Variants in MAGI2 observed in about 807,000 individuals in gnomAD.
The protein encoded by MAGI2 is membrane associated guanylate kinase, WW and PDZ domain containing 2, also known as membrane-associated guanylate kinase, WW and PDZ domain-containing protein 2.
Under a neutral mutation model 133.3 loss-of-function variants are expected in MAGI2, and 35 were observed. That is an observed-to-expected ratio of 0.26 (90% CI 0.20 to 0.35). The LOEUF is 0.35. Ranked by LOEUF, MAGI2 falls within the 10% of genes least tolerant of loss-of-function variation. MAGI2 has a pLI of 1.00. For synonymous variants in MAGI2, 729 were observed against 710.6 expected (o/e 1.03, Z -0.41); for missense variants, 1,636 against 1,863.4 (o/e 0.88, Z 2.25).
intron 3 of MAGI2, among the ~76,000 whole-genome samples, chr7:78,591,797 C>A (rs997006690): frequency 2.0e-5 from 3 of 152,240 alleles, no homozygotes; most frequent in Non-Finnish European, 4.4e-5. Context: ...AAGGAATAAA[C>A]CTTCTTTTCA....
At chr7:79,035,571 A>G (rs549469475) in intron 1 of MAGI2, among the ~76,000 whole-genome samples, 1 of 152,302 alleles carries the variant, frequency 6.6e-6, no homozygotes, top group African/African-American at 2.4e-5. Flanking sequence ...AAATTCTAAA[A>G]GAGAATTGTT....
intron 3 of MAGI2, chr7:78,614,421 T>G (rs556118630): frequency 6.6e-6 from 1 of 152,120 alleles, no homozygotes; most frequent in Non-Finnish European, 1.5e-5. Context: ...AATGCACCAA[T>G]AGTTTTACAC....
chr7:78,821,392 G>A (rs1356116400), intron 2 of MAGI2, among the ~76,000 whole-genome samples: 1 of 151,962 alleles, frequency 6.6e-6, no homozygotes, highest in Non-Finnish European at 1.5e-5. Context: ...GAACATGTAA[G>A]TCAATAACAG....
At chr7:78,948,736 CT>C (rs1474339029) in intron 2 of MAGI2, among the ~76,000 whole-genome samples, 1 of 152,048 alleles carries the variant, frequency 6.6e-6, no homozygotes, top group African/African-American at 2.4e-5. Context: ...ATTTTCCTTA[CT>C]TTCCTAAATA....
intron 2 of MAGI2, among the ~76,000 whole-genome samples, chr7:78,957,472 G>T (rs1802485457): frequency 1.3e-5 from 2 of 151,784 alleles, no homozygotes; most frequent in Admixed American, 1.3e-4. Flanking sequence ...AATTCAGACT[G>T]ATAAATTTAC....
At chr7:79,437,940 A>G (rs936399731) in intron 1 of MAGI2, among the ~76,000 whole-genome samples, 1 of 152,154 alleles carries the variant, frequency 6.6e-6, no homozygotes, top group African/African-American at 2.4e-5. Flanking sequence ...GTATATTATT[A>G]TAGATGTATG....
chr7:78,811,046 T>C lies in MAGI2; in HGVS notation c.419-183807A>G, dbSNP rs940642486. Among the ~76,000 whole-genome samples, 8 of 152,168 alleles carry C rather than the reference T, an allele frequency of 5.3e-5. No individual in the cohort carries two copies. In the East Asian group the frequency reaches 1.5e-3, roughly 29 times the overall value. ...TTTGTTTTATAGGATTTATCCTTGCTATCAATTAATGAGCTGAAAATCCAT... is the reference window on the plus strand; with the variant it reads ...TTTGTTTTATAGGATTTATCCTTGCCATCAATTAATGAGCTGAAAATCCAT... On this transcript the variant is annotated intron_variant, in intron 2 of 21. Coordinates refer to ENST00000354212, the MANE Select transcript of MAGI2 (RefSeq NM_012301.4).
Position 79,066,421 on chromosome 7 carries a change from T to A in MAGI2, c.302-59215A>T, listed in dbSNP as rs537634471. Among the ~76,000 whole-genome samples, 3 of 152,254 alleles carry A rather than the reference T, an allele frequency of 2.0e-5. No individual in the cohort carries two copies. In the East Asian group the frequency reaches 5.8e-4, roughly 29 times the overall value. ...CCCACTTTTTGATGGGGTTATTTTT[T>A]TTTCTTGTAAATTTGTTTAAGTTCT... On this transcript the variant is annotated intron_variant, in intron 1 of 21. Coordinates refer to ENST00000354212, the MANE Select transcript of MAGI2 (RefSeq NM_012301.4).
At chr7:78,948,430 T>C (rs1258117992) in intron 2 of MAGI2, among the ~76,000 whole-genome samples, 1 of 152,088 alleles carries the variant, frequency 6.6e-6, no homozygotes, top group African/African-American at 2.4e-5. Context: ...TGAATTTTTA[T>C]ACTCTGATAT....
intron 6 of MAGI2, among the ~76,000 whole-genome samples, chr7:78,378,105 T>A (rs1288049341): frequency 6.6e-6 from 1 of 151,622 alleles, no homozygotes; most frequent in African/African-American, 2.4e-5. Context: ...AAATAAAATT[T>A]AAAAAAATCT....
intron 2 of MAGI2, among the ~76,000 whole-genome samples, chr7:78,726,660 T>G (rs189928033): frequency 6.6e-6 from 1 of 152,278 alleles, no homozygotes; most frequent in East Asian, 1.9e-4. Context: ...TAACAGAGAA[T>G]ACTTCTCCCA....
intron 21 of MAGI2, among the ~76,000 whole-genome samples, chr7:78,065,870 A>T (rs1813752889): frequency 6.6e-6 from 1 of 152,220 alleles, no homozygotes; most frequent in Admixed American, 6.5e-5. Flanking sequence ...ACTGAGCTAT[A>T]TGTGTATTTC....
chr7:78,167,881 A>T (rs772890672), intron 15 of MAGI2, 35 bp downstream of exon 15: 1 of 1,587,326 alleles, frequency 6.3e-7, no homozygotes, highest in South Asian at 1.1e-5. Flanking sequence ...TTACCACCTA[A>T]CCCTCGATTC....
intron 3 of MAGI2, among the ~76,000 whole-genome samples, chr7:78,525,661 A>G (rs1376860453): frequency 6.6e-6 from 1 of 152,266 alleles, no homozygotes; most frequent in Non-Finnish European, 1.5e-5. Context: ...AATGCTTAAC[A>G]GCATAAATGC....
intron 1 of MAGI2, among the ~76,000 whole-genome samples, chr7:79,169,238 C>T (rs143416629): frequency 1.2e-4 from 18 of 151,966 alleles, no homozygotes; most frequent in East Asian, 3.9e-4. Context: ...TTTTCAGTTA[C>T]GGTTGGTACT....
intron 3 of MAGI2, chr7:78,618,072 A>G (rs928746451): frequency 6.6e-6 from 1 of 152,046 alleles, no homozygotes; most frequent in African/African-American, 2.4e-5. Flanking sequence ...AATGCATAGA[A>G]CAAATCTCTG....
rs1347135825 is a variant in MAGI2 at position 78,437,950 on chromosome 7, G to A, written c.1045+51811C>T. 3.3e-5 allele frequency among the ~76,000 whole-genome samples: 5 copies of A among 152,248 alleles called. 1 individual carries two copies. The South Asian group carries it at 1.0e-3, about 32-fold the overall frequency. ...CATAATTCCTGAGAAGTTTCAGAAT[G>A]TCAAATGAAGTAATAAAATGCCAAA... On this transcript the variant is annotated intron_variant, in intron 6 of 21. Transcript: ENST00000354212.
chr7:79,189,728 T>G (rs1009913397), intron 1 of MAGI2, among the ~76,000 whole-genome samples: 1 of 151,790 alleles, frequency 6.6e-6, no homozygotes, highest in Admixed American at 6.6e-5. Context: ...CATTACAGTT[T>G]CACACAGAGT....
intron 2 of MAGI2, among the ~76,000 whole-genome samples, chr7:78,953,534 CT>C (rs1802039434): frequency 6.6e-6 from 1 of 151,990 alleles, no homozygotes; most frequent in African/African-American, 2.4e-5. Context: ...TGACATTTTC[CT>C]TCCAAATTCT....
Sources: gnomAD v4.1 joint callset for allele counts (sites outside exome capture counted in the v4.1 genomes callset) on GRCh38, gnomAD v4.1.1 for gene constraint, MANE v1.5 for transcripts, NCBI Gene and HGNC (gene_info 2026-07-23, HGNC 2026-07-21) for gene names.